The following ADCY5 variants were observed in gnomAD, a reference collection of about 807,000 sequenced individuals.
ADCY5 encodes the protein adenylate cyclase 5, also known as adenylate cyclase type 5.
ADCY5 carries 30 observed loss-of-function variants against 119.7 expected under a neutral mutation model. That is an observed-to-expected ratio of 0.25 (90% CI 0.19 to 0.34). The LOEUF (loss-of-function observed/expected upper bound fraction) is 0.34. Ranked by LOEUF, ADCY5 falls within the 10% of genes least tolerant of loss-of-function variation. The pLI is 1.00. For missense variants in ADCY5, 1,324 were observed against 1,775.2 expected, an observed-to-expected ratio of 0.75 and a Z score of 4.57; for synonymous variants, 753 against 762.2, an observed-to-expected ratio of 0.99 and a Z score of 0.20.
intron 1 of ADCY5, among the ~76,000 whole-genome samples, chr3:123,419,897 C>A (rs964006092): frequency 1.3e-5 from 2 of 152,066 alleles, no homozygotes; most frequent in African/African-American, 4.8e-5. Context: ...TTTTATTCTA[C>A]CTTGTATTAT....
At position 123,303,523 on chromosome 3, in the gene ADCY5, G is replaced by T. The variant is rs528477710; in HGVS notation, c.2560-304C>A. On this transcript the variant is annotated intron_variant, in intron 13 of 20. Transcript: ENST00000462833. ...GAAGAGCTAAGAACTTCACTTAGTG[G>T]GAGAGTAGCCAAGCATAGTGGCTCA... is the stretch of plus-strand genomic sequence containing the variant. 1.2e-4 allele frequency among the ~76,000 whole-genome samples: 19 copies of T among 152,248 alleles called. No homozygotes were observed. The East Asian group carries it at 3.5e-3, about 28-fold the overall frequency.
intron 3 of ADCY5, among the ~76,000 whole-genome samples, chr3:123,333,013 C>T (rs185312697): frequency 2.7e-3 from 415 of 152,060 alleles, no homozygotes; most frequent in African/African-American, 9.4e-3. Flanking sequence ...CCCACCTTGG[C>T]CTCACAAAGT....
intron 1 of ADCY5, among the ~76,000 whole-genome samples, chr3:123,378,834 G>C (rs934471505): frequency 6.6e-6 from 1 of 152,218 alleles, no homozygotes; most frequent in Non-Finnish European, 1.5e-5. Context: ...GTGAAAAGGA[G>C]ATGCTTGGCA....
chr3:123,376,488 A>G (rs930940123), intron 1 of ADCY5, among the ~76,000 whole-genome samples: 1 of 152,098 alleles, frequency 6.6e-6, no homozygotes, highest in African/African-American at 2.4e-5. Context: ...TCCAGACTGT[A>G]TATTTTTGAG....
chr3:123,318,159 G>A (rs780444905), intron 10 of ADCY5, 42 bp from the exon 11 acceptor site: 3 of 1,520,768 alleles, frequency 2.0e-6, no homozygotes, highest in Non-Finnish European at 2.7e-6. Context: ...AAGGTACCTG[G>A]CCCGGTCTGC....
At chr3:123,296,946 C>T in intron 16 of ADCY5, 1 of 1,522,984 alleles carries the variant, frequency 6.6e-7, no homozygotes, top group South Asian at 1.2e-5. Context: ...GCCCTCAATG[C>T]AGGGACGGGT....
At chr3:123,373,765 C>CA (rs1553739697) in intron 1 of ADCY5, among the ~76,000 whole-genome samples, 38 of 35,266 alleles carry the variant, frequency 1.1e-3, no homozygotes, top group Admixed American at 6.5e-3. Context: ...CACGCCCCCC[C>CA]CCCCCCGACC....
rs76315934 is a variant in ADCY5 at position 123,407,758 on chromosome 3, C to T, written c.1134+39654G>A. 3.3e-4 allele frequency among the ~76,000 whole-genome samples: 27 copies of T among 82,406 alleles called. 1 individual carries two copies. The highest frequency in any genetic ancestry group is 9.9e-4 in the East Asian group (2 of 2,028). The allele number at this position is 82,406 out of a possible 152,430, so 54.1% of individuals were successfully genotyped here. On this transcript the variant is annotated intron_variant, in intron 1 of 20. Transcript: ENST00000462833. The stretch of plus-strand genomic sequence containing the variant: ...TGCAGCCTGGGCAACAGAGTGAGAC[C>T]CTGTCTCAAAAAAAAAAAAAGTTGC...
chr3:123,383,688 GC>G (rs1944110618), intron 1 of ADCY5, among the ~76,000 whole-genome samples: 1 of 133,696 alleles, frequency 7.5e-6, no homozygotes, highest in Non-Finnish European at 1.6e-5. Context: ...AGAGCCCCCT[GC>G]ACATCTCAGC....
chr3:123,353,879 G>C (rs1054259832), intron 1 of ADCY5, among the ~76,000 whole-genome samples: 1 of 152,114 alleles, frequency 6.6e-6, no homozygotes, highest in African/African-American at 2.4e-5. Flanking sequence ...TCTTTCCCTG[G>C]AGACATCCCA....
intron 1 of ADCY5, among the ~76,000 whole-genome samples, chr3:123,393,854 C>T (rs962730201): frequency 1.2e-4 from 18 of 148,132 alleles, no homozygotes; most frequent in African/African-American, 2.0e-4. Flanking sequence ...TTTAAGATAG[C>T]GGCTGGGCGC....
chr3:123,443,541 T>A (rs1327296805), intron 1 of ADCY5, among the ~76,000 whole-genome samples: 3 of 151,836 alleles, frequency 2.0e-5, no homozygotes, highest in Non-Finnish European at 4.4e-5. Context: ...CCCCCACCCC[T>A]CATTTGTCTC....
intron 1 of ADCY5, among the ~76,000 whole-genome samples, chr3:123,399,704 A>G (rs1275678228): frequency 6.6e-6 from 1 of 152,176 alleles, no homozygotes; most frequent in African/African-American, 2.4e-5. Flanking sequence ...ACAAACTGGT[A>G]TTACCAGTTA....
rs1321824924 is a variant in ADCY5 at position 123,283,831 on chromosome 3, A to C, written c.*777T>G. Reference sequence around the variant, plus strand: ...CTTTCAATAATACAAAATAAAAAATACAAAAAAGACAAGTGGGGATCCCCG... The same window carrying C: ...CTTTCAATAATACAAAATAAAAAATCCAAAAAAGACAAGTGGGGATCCCCG... On this transcript the variant is annotated 3_prime_UTR_variant, in exon 21 of 21. Coordinates refer to ENST00000462833, the MANE Select transcript of ADCY5 (RefSeq NM_183357.3). 5 of 152,228 alleles carry C rather than the reference A, an allele frequency of 3.3e-5. No individual in the cohort carries two copies. The highest frequency in any genetic ancestry group is 5.9e-5 in the Non-Finnish European group (4 of 68,058). The allele number at this position is 152,228 out of a possible 1,614,324, so 9.4% of individuals were successfully genotyped here.
At chr3:123,314,472 C>T (rs1197834189) in intron 11 of ADCY5, 150 bp from the exon 12 acceptor site, 2 of 638,754 alleles carry the variant, frequency 3.1e-6, no homozygotes, top group African/African-American at 1.8e-5. Flanking sequence ...GAGAGGGAAC[C>T]TGAAGTTGCT....
At chr3:123,325,286 G>C (rs779488170) in intron 8 of ADCY5, 36 bp downstream of exon 8, 1 of 1,612,054 alleles carries the variant, frequency 6.2e-7, no homozygotes. Flanking sequence ...TAGCCTTGGA[G>C]AGTGTTGCCC....
intron 19 of ADCY5, chr3:123,287,196 A>C (rs923353122): frequency 1.2e-5 from 2 of 166,828 alleles, no homozygotes; most frequent in Admixed American, 5.9e-5. Flanking sequence ...TCACTCTTAG[A>C]TCCTGCCCAA....
chr3:123,316,880 A>G (rs577779312), intron 11 of ADCY5, among the ~76,000 whole-genome samples: 1 of 152,332 alleles, frequency 6.6e-6, no homozygotes, highest in Admixed American at 6.5e-5. Context: ...CTTTTAAAAA[A>G]TCAGAATAAA....
At chr3:123,421,152 A>G (rs1296872710) in intron 1 of ADCY5, among the ~76,000 whole-genome samples, 1 of 152,218 alleles carries the variant, frequency 6.6e-6, no homozygotes, top group Admixed American at 6.5e-5. Context: ...AGTTTAACAT[A>G]TAACAGACCC....
Sources: gnomAD v4.1 joint callset for allele counts (sites outside exome capture counted in the v4.1 genomes callset) on GRCh38, gnomAD v4.1.1 for gene constraint, MANE v1.5 for transcripts, NCBI Gene and HGNC (gene_info 2026-07-23, HGNC 2026-07-21) for gene names.